FBXO46: variants seen among roughly 807,000 people sequenced by gnomAD.
FBXO46 encodes the protein F-box only protein 46.
A neutral mutation model predicts 30.7 loss-of-function variants in FBXO46; 13 were observed. That is an observed-to-expected ratio of 0.42 (90% confidence interval 0.28 to 0.67). FBXO46 has a LOEUF of 0.67. Among genes scored for constraint, FBXO46 ranks in the 30% least tolerant of loss-of-function variants. The probability of loss-of-function intolerance (pLI) is 0.21; values close to 1 mark genes in which losing one functional copy is unlikely to be tolerated. For synonymous variants in FBXO46, 467 were observed against 385.8 expected (o/e 1.21, Z -2.47); for missense variants, 754 against 871.5 (o/e 0.87, Z 1.70).
At chr19:45,727,474 AT>A (rs989376274) in intron 1 of FBXO46, among the ~76,000 whole-genome samples, 28 of 151,450 alleles carry the variant, frequency 1.8e-4, no homozygotes, top group African/African-American at 6.8e-4. Flanking sequence ...AGAAGACATC[AT>A]TTGAACCCGG....
intron 1 of FBXO46, among the ~76,000 whole-genome samples, chr19:45,720,715 C>A (rs1206445589): frequency 6.6e-6 from 1 of 152,140 alleles, no homozygotes; most frequent in Non-Finnish European, 1.5e-5. Flanking sequence ...ACCTTGGCCT[C>A]CCCAAGTGCT....
chr19:45,717,552 C>A (rs1432032556), intron 1 of FBXO46, among the ~76,000 whole-genome samples: 1 of 152,152 alleles, frequency 6.6e-6, no homozygotes, highest in African/African-American at 2.4e-5. Context: ...GTAGACACAG[C>A]CGGATGCAAG....
At chr19:45,718,516 C>G (rs771102598) in intron 1 of FBXO46, among the ~76,000 whole-genome samples, 4 of 152,130 alleles carry the variant, frequency 2.6e-5, no homozygotes, top group Non-Finnish European at 5.9e-5. Flanking sequence ...TTACCGGGCT[C>G]TTGCCTTCCC....
At position 45,712,706 on chromosome 19, in the gene FBXO46, G is replaced by T; in HGVS notation, c.790C>A (p.Arg264Ser). ...CGGGGCTCCCGGCCGTTGGAGATGC[G>T]GAAGGCGATGCGCACCTCCCCAGGG... ...PGPGEVRIAF[R>S]ISNGREPRAP... Residue 264 changes from arginine to serine, a missense_variant, in exon 2 of 2, where the codon CGC becomes AGC. By Grantham distance (110) the Arg-to-Ser change is moderately radical (BLOSUM62 -1). Transcript: ENST00000317683. The surrounding 1 kb of genome is among the most constrained non-coding windows in gnomAD (Gnocchi z 8.8). 1 of 1,612,658 alleles carries T rather than the reference G, an allele frequency of 6.2e-7. No individual in the cohort carries two copies. The highest frequency in any genetic ancestry group is 8.5e-7 in the Non-Finnish European group (1 of 1,179,452).
intron 1 of FBXO46, among the ~76,000 whole-genome samples, chr19:45,726,383 C>T (rs1968240345): frequency 6.6e-6 from 1 of 152,018 alleles, no homozygotes; most frequent in African/African-American, 2.4e-5. Context: ...CACGGTGGCT[C>T]ACACCTGTAA....
rs768139716 is a variant in FBXO46, at chr19:45,711,312, G to A, written c.*372C>T. On this transcript the variant is annotated 3_prime_UTR_variant, in exon 2 of 2. Coordinates refer to ENST00000317683, the MANE Select transcript of FBXO46 (RefSeq NM_001080469.2). ...GAATTGGGGTGAGGGAGAGGATGGG[G>A]GCCAGAATGGGGGGACCCTTAAGTG... 1.8e-5 allele frequency: 8 copies of A among 454,588 alleles called. 1 individual carries two copies. Among genetic ancestry groups the A allele is most frequent in the South Asian group, 1.3e-4 (8 of 59,644 alleles). 28.2% of individuals were successfully genotyped at this position (454,588 alleles called of 1,614,324 possible).
chr19:45,712,415 C>T lies in FBXO46; in HGVS notation c.1081G>A (p.Ala361Thr), dbSNP rs1967996633. Residue 361 changes from alanine (A) to threonine (T), a missense_variant, in exon 2 of 2, where the codon GCG becomes ACG. Ala to Thr is a moderately conservative substitution (Grantham distance 58, BLOSUM62 0). Coordinates refer to ENST00000317683, the MANE Select transcript of FBXO46 (RefSeq NM_001080469.2). This position sits in a 1 kb window ranked among gnomAD's most constrained non-coding sequence, Gnocchi z 8.8. ...PPPPPARDCGASGFHVDVVVT... is the reference protein window; with the variant it reads ...PPPPPARDCGTSGFHVDVVVT... Reference sequence around the variant, plus strand: ...ACCACGTCCACGTGGAAGCCTGACGCTCCGCAGTCCCGGGCAGGGGGCGGA... The same window carrying T: ...ACCACGTCCACGTGGAAGCCTGACGTTCCGCAGTCCCGGGCAGGGGGCGGA... 6 of 1,609,500 alleles carry T rather than the reference C, an allele frequency of 3.7e-6. No individual in the cohort carries two copies. Among genetic ancestry groups the T allele is most frequent in the Non-Finnish European group, 4.2e-6 (5 of 1,179,704 alleles).
rs745459137 is a variant in FBXO46, at chr19:45,712,208, TGGCCGGGGAGTC to T, written c.1276_1287del (p.Asp426_Ala429del). On this transcript the variant is annotated inframe_deletion, in exon 2 of 2. Transcript: ENST00000317683. The surrounding 1 kb of genome is among the most constrained non-coding windows in gnomAD (Gnocchi z 8.8). ...TCGGCATCGTCTGGGCCGGGCGCAG[TGGCCGGGGAGTC>T]GGCCGGGGGTGGCTCCGGGGGCCCG... 76 of 1,605,368 alleles carry T rather than the reference TGGCCGGGGAGTC, an allele frequency of 4.7e-5. No individual in the cohort carries two copies. The highest frequency in any genetic ancestry group is 5.4e-5 in the Non-Finnish European group (64 of 1,177,032).
At chr19:45,717,415 G>C (rs1968111406) in intron 1 of FBXO46, 1 of 152,280 alleles carries the variant, frequency 6.6e-6, no homozygotes, top group South Asian at 2.1e-4. Context: ...ACAGACGCGC[G>C]CGTGACGCTC....
Position 45,712,872 on chromosome 19 carries a change from T to C in FBXO46, c.624A>G (p.Gly208=), listed in dbSNP as rs758448459. The part of the protein sequence containing the change: ...PVVFVSAEQG[G]PAKGVGSERR... ...GTTCAGATCCCACCCCCTTGGCCGG[T>C]CCACCTTGCTCGGCGGACACAAAGA... Residue 208 remains glycine (G), a synonymous_variant, in exon 2 of 2, where the codon GGA becomes GGG. Transcript: ENST00000317683. This position sits in a 1 kb window ranked among gnomAD's most constrained non-coding sequence, Gnocchi z 8.8. 6.2e-7 allele frequency: 1 copy of C among 1,613,264 alleles called. No homozygotes were observed. Among genetic ancestry groups the C allele is most frequent in the Non-Finnish European group, 8.5e-7 (1 of 1,179,680 alleles).
intron 1 of FBXO46, among the ~76,000 whole-genome samples, chr19:45,729,603 T>A (rs1285481106): frequency 6.6e-6 from 1 of 152,246 alleles, no homozygotes; most frequent in Admixed American, 6.5e-5. Context: ...GCTGCCAAGA[T>A]CGGAATCCTG....
chr19:45,725,894 G>A (rs1370898540), intron 1 of FBXO46, among the ~76,000 whole-genome samples: 1 of 151,936 alleles, frequency 6.6e-6, no homozygotes, highest in African/African-American at 2.4e-5. Flanking sequence ...GTTTGTTTGA[G>A]ATGGTCTCGC....
At chr19:45,728,543 C>T (rs948571523) in intron 1 of FBXO46, among the ~76,000 whole-genome samples, 2 of 152,138 alleles carry the variant, frequency 1.3e-5, no homozygotes, top group East Asian at 3.9e-4. Context: ...AAAAGAAGAA[C>T]CCTTGCCCAG....
At chr19:45,729,928 CA>C (rs1968287250) in intron 1 of FBXO46, among the ~76,000 whole-genome samples, 1 of 152,138 alleles carries the variant, frequency 6.6e-6, no homozygotes, top group Non-Finnish European at 1.5e-5. Context: ...ACCTGTAACC[CA>C]GTCACATTCC....
upstream of FBXO46, among the ~76,000 whole-genome samples, chr19:45,731,441 T>C (rs150340650): frequency 0.03 from 4,506 of 151,472 alleles, 212 homozygotes; most frequent in African/African-American, 0.1. Context: ...CTGAGCCTCC[T>C]GAGTAGCTGG....
intron 1 of FBXO46, among the ~76,000 whole-genome samples, chr19:45,724,804 G>A (rs559973616): frequency 5.3e-5 from 8 of 152,028 alleles, no homozygotes; most frequent in Admixed American, 3.9e-4. Context: ...ACAAGCACAC[G>A]CCACCACGCC....
Position 45,712,736 on chromosome 19 carries a change from G to C in FBXO46, c.760C>G (p.Pro254Ala). The change falls in exon 2 of 2, where the codon CCA becomes GCA. Residue 254 changes from proline (P) to alanine (A), a missense_variant. By Grantham distance (27) the Pro-to-Ala change is conservative. Coordinates refer to ENST00000317683, the MANE Select transcript of FBXO46 (RefSeq NM_001080469.2). This position sits in a 1 kb window ranked among gnomAD's most constrained non-coding sequence, Gnocchi z 8.8. ...GCGATGCGCACCTCCCCAGGGCCTG[G>C]CCCGGGCCGCTCTTCCTTGCGGAGG... ...KGLRKEERPG[P>A]GPGEVRIAFR... 1 of 1,611,670 alleles carries C rather than the reference G, an allele frequency of 6.2e-7. No individual in the cohort carries two copies. The highest frequency in any genetic ancestry group is 1.1e-5 in the South Asian group (1 of 90,892).
intron 1 of FBXO46, chr19:45,715,806 C>CAAAAAAAAAAA (rs71175215): frequency 5.0e-5 from 4 of 79,432 alleles, no homozygotes; most frequent in Non-Finnish European, 6.7e-5. Flanking sequence ...AACTCCATCT[C>CAAAAAAAAAAA]AAAAAAAAAA....
chr19:45,712,538 G>C lies in FBXO46; in HGVS notation c.958C>G (p.Pro320Ala). 6.2e-7 allele frequency: 1 copy of C among 1,600,372 alleles called. No homozygotes were observed. Among genetic ancestry groups the C allele is most frequent in the South Asian group, 1.1e-5 (1 of 89,526 alleles). The change falls in exon 2 of 2, where the codon CCC (proline) becomes GCC (alanine). Residue 320 changes from proline to alanine, a missense_variant. Physicochemically the swap from Pro to Ala is conservative, Grantham distance 27 (BLOSUM62 -1). Around this residue, in one of 5 missense-constraint regions of FBXO46, gnomAD observed 454 missense variants for 426.5 expected, o/e 1.06. Transcript: ENST00000317683. The surrounding 1 kb of genome is among the most constrained non-coding windows in gnomAD (Gnocchi z 8.8). ...QLISPSRDAL[P>A]SNVEFLLARA... ...GCCAGCAGGAACTCCACGTTGCTGG[G>C]GAGGGCATCCCGCGAGGGGCTGATG...
Sources: gnomAD v4.1 joint callset for allele counts (sites outside exome capture counted in the v4.1 genomes callset) on GRCh38, gnomAD v4.1.1 for gene constraint, gnomAD v4.1.1 regional missense constraint, Gnocchi (gnomAD v3.1) non-coding constraint, MANE v1.5 for transcripts, NCBI Gene and HGNC (gene_info 2026-07-23, HGNC 2026-07-21) for gene names.